The following DEFB107B variants were observed in gnomAD, a reference collection of about 807,000 sequenced individuals.
DEFB107B encodes beta-defensin 107.
chr8:7,497,430 C>T (rs1163697961), intron 1 of DEFB107B, among the ~76,000 whole-genome samples: 1 of 151,564 alleles, frequency 6.6e-6, no homozygotes, highest in East Asian at 2.0e-4. Context: ...GATGTGGAAA[C>T]TTGGTTCTAA....
rs1472870313 is a variant in DEFB107B at position 7,506,327 on chromosome 8, C to T, written c.71-2754C>T. 1.8e-4 allele frequency among the ~76,000 whole-genome samples: 3 copies of T among 16,774 alleles called. 1 individual carries two copies. The highest frequency in any genetic ancestry group is 3.9e-4 in the African/African-American group (3 of 7,674). 11.0% of individuals were successfully genotyped at this position (16,774 alleles called of 152,430 possible). A position where few individuals can be genotyped will look rare whatever the true frequency, so the allele number is the denominator to read the frequency against. The stretch of plus-strand genomic sequence containing the variant: ...CTCGTCGACTTGTCCTCAATGACCA[C>T]GCTCGAGCGTACCTTCACCCTAGAG... On this transcript the variant is annotated intron_variant, in intron 1 of 1. Transcript: ENST00000355602.
intron 1 of DEFB107B, among the ~76,000 whole-genome samples, chr8:7,508,138 C>T (rs1811990075): frequency 7.4e-6 from 1 of 135,478 alleles, no homozygotes; most frequent in Non-Finnish European, 1.5e-5. Context: ...GTCCAGTTGC[C>T]TGATAAATTT....
At chr8:7,496,547 T>A (rs371534330) in intron 1 of DEFB107B, among the ~76,000 whole-genome samples, 10 of 147,802 alleles carry the variant, frequency 6.8e-5, no homozygotes, top group East Asian at 2.0e-4. Flanking sequence ...TGATCCGCCC[T>A]CCTCGGCCTC....
chr8:7,496,450 C>T (rs1467747648), intron 1 of DEFB107B, among the ~76,000 whole-genome samples: 1 of 150,892 alleles, frequency 6.6e-6, no homozygotes, highest in Non-Finnish European at 1.5e-5. Context: ...CACGCACCCG[C>T]CACCACGCCT....
At chr8:7,496,349 G>C (rs1157606135) in intron 1 of DEFB107B, among the ~76,000 whole-genome samples, 6 of 68,840 alleles carry the variant, frequency 8.7e-5, no homozygotes, top group African/African-American at 6.8e-5. Flanking sequence ...GCCCAGGCTG[G>C]AGTGCAGTGG....
chr8:7,496,558 C>T (rs1264330346), intron 1 of DEFB107B, among the ~76,000 whole-genome samples: 1 of 150,978 alleles, frequency 6.6e-6, no homozygotes, highest in South Asian at 2.1e-4. Context: ...CCTCGGCCTC[C>T]CAGAGCCCTG....
intron 1 of DEFB107B, among the ~76,000 whole-genome samples, chr8:7,497,576 T>C (rs1194617258): frequency 6.6e-6 from 1 of 152,146 alleles, no homozygotes; most frequent in Non-Finnish European, 1.5e-5. Flanking sequence ...AAAGTCTCAG[T>C]TGTAAAATCA....
At chr8:7,496,323 G>A (rs1205860785) in intron 1 of DEFB107B, among the ~76,000 whole-genome samples, 3 of 36,578 alleles carry the variant, frequency 8.2e-5, no homozygotes, top group Admixed American at 4.0e-4. Context: ...TTTTTGAGAC[G>A]GAGTCTCGCG....
chr8:7,507,972 T>A (rs1406006949), intron 1 of DEFB107B, among the ~76,000 whole-genome samples: 1 of 142,140 alleles, frequency 7.0e-6, no homozygotes, highest in Non-Finnish European at 1.5e-5. Context: ...AGGCACATAC[T>A]CTATGCTATG....
intron 1 of DEFB107B, among the ~76,000 whole-genome samples, chr8:7,496,411 T>C (rs1811738598): frequency 1.4e-5 from 2 of 139,226 alleles, no homozygotes; most frequent in Non-Finnish European, 1.5e-5. Context: ...GCCATTCTCC[T>C]GCCTCAGCCT....
At chr8:7,502,718 TA>T (rs1811884698) in intron 1 of DEFB107B, among the ~76,000 whole-genome samples, 1 of 22,202 alleles carries the variant, frequency 4.5e-5, no homozygotes, top group East Asian at 3.1e-3. Flanking sequence ...TTTTGTGGCT[TA>T]ATTTTTCTAT....
chr8:7,497,484 G>C (rs1397052744), intron 1 of DEFB107B, among the ~76,000 whole-genome samples: 3 of 151,752 alleles, frequency 2.0e-5, no homozygotes, highest in Non-Finnish European at 4.4e-5. Flanking sequence ...TATTTGTTTT[G>C]CACATTTGGA....
chr8:7,507,820 AG>A (rs1193489875), intron 1 of DEFB107B, among the ~76,000 whole-genome samples: 6 of 143,752 alleles, frequency 4.2e-5, no homozygotes, highest in Non-Finnish European at 9.0e-5. Context: ...ATATAGAAAT[AG>A]GAAGCTAGGA....
intron 1 of DEFB107B, among the ~76,000 whole-genome samples, chr8:7,507,718 G>A (rs1220163280): frequency 1.5e-5 from 2 of 131,214 alleles, no homozygotes; most frequent in Non-Finnish European, 1.6e-5. Flanking sequence ...TAACAGGCAG[G>A]GTTAGAAAGT....
In DEFB107B at chr8:7,502,541, G is replaced by C. The variant is rs2128883468; in HGVS notation, c.70+6538G>C. 9.3e-5 allele frequency among the ~76,000 whole-genome samples: 2 copies of C among 21,544 alleles called. 1 individual carries two copies. Among genetic ancestry groups the C allele is most frequent in the South Asian group, 3.0e-3 (2 of 666 alleles). 14.1% of individuals were successfully genotyped at this position (21,544 alleles called of 152,430 possible). Reference sequence around the variant, plus strand: ...AATTTAATTTCTTTTGTTGCCTCTGGGGTTAATATTCTTTTACTATTTAAG... The same window carrying C: ...AATTTAATTTCTTTTGTTGCCTCTGCGGTTAATATTCTTTTACTATTTAAG... On this transcript the variant is annotated intron_variant, in intron 1 of 1. Coordinates refer to ENST00000355602, the MANE Select transcript of DEFB107B (RefSeq NM_001040705.2).
At chr8:7,508,443 CTGTTT>C (rs1402491936) in intron 1 of DEFB107B, among the ~76,000 whole-genome samples, 1 of 138,442 alleles carries the variant, frequency 7.2e-6, no homozygotes, top group East Asian at 2.2e-4. Context: ...AAAAAGATTC[CTGTTT>C]TGACATATTT....
chr8:7,497,664 G>A (rs1443853908), intron 1 of DEFB107B, among the ~76,000 whole-genome samples: 2 of 150,278 alleles, frequency 1.3e-5, no homozygotes, highest in Non-Finnish European at 3.0e-5. Context: ...ATTTAAAATT[G>A]TCTTCTCCAT....
Sources: gnomAD v4.1 joint callset for allele counts (sites outside exome capture counted in the v4.1 genomes callset) on GRCh38, gnomAD v4.1.1 for gene constraint, MANE v1.5 for transcripts, NCBI Gene and HGNC (gene_info 2026-07-23, HGNC 2026-07-21) for gene names.